The following PLA2G4A variants were observed in gnomAD, a reference collection of about 807,000 sequenced individuals.
PLA2G4A encodes cytosolic phospholipase A2.
PLA2G4A carries 40 observed loss-of-function variants against 81.9 expected under a neutral mutation model. The ratio of observed to expected loss-of-function variants is 0.49; its 90% CI spans 0.38 to 0.64. The LOEUF (loss-of-function observed/expected upper bound fraction) is 0.64. Among genes scored for constraint, PLA2G4A ranks in the 30% least tolerant of loss-of-function variants. The pLI is 0.00. For synonymous variants in PLA2G4A, 302 were observed against 296.9 expected (o/e 1.02, Z -0.18); for missense variants, 715 against 905.1 (o/e 0.79, Z 2.69).
At chr1:186,885,173 C>T (rs781156150) in intron 3 of PLA2G4A, among the ~76,000 whole-genome samples, 12 of 152,176 alleles carry the variant, frequency 7.9e-5, no homozygotes, top group South Asian at 6.2e-4. Flanking sequence ...ACCTTCATCA[C>T]GAGGCACTAG....
chr1:186,858,945 T>A (rs1558370655), intron 2 of PLA2G4A, among the ~76,000 whole-genome samples: 1 of 151,786 alleles, frequency 6.6e-6, no homozygotes, highest in South Asian at 2.1e-4. Context: ...GTGTGTAAAT[T>A]GTTTTAAAAA....
chr1:186,891,298 C>A (rs1654129117), intron 3 of PLA2G4A, among the ~76,000 whole-genome samples: 1 of 152,058 alleles, frequency 6.6e-6, no homozygotes, highest in South Asian at 2.1e-4. Flanking sequence ...TGATTTGTTG[C>A]AAATAATCCA....
In PLA2G4A at chr1:186,988,646, C is replaced by T; in HGVS notation, c.*138C>T. The T allele has an allele frequency of 1.4e-6, 1 of 727,778 alleles. No homozygotes were observed. The highest frequency in any genetic ancestry group is 2.5e-6 in the Non-Finnish European group (1 of 404,358). The allele number at this position is 727,778 out of a possible 1,614,324, so 45.1% of individuals were successfully genotyped here. ...GATACTCAAAGTTGCAGTTACTTAGCTGCATGAGAATAATACTATTATAAG... is the reference window on the plus strand; with the variant it reads ...GATACTCAAAGTTGCAGTTACTTAGTTGCATGAGAATAATACTATTATAAG... On this transcript the variant is annotated 3_prime_UTR_variant, in exon 18 of 18. Transcript: ENST00000367466.
At chr1:186,874,555 A>G (rs916361389) in intron 3 of PLA2G4A, among the ~76,000 whole-genome samples, 4 of 152,096 alleles carry the variant, frequency 2.6e-5, no homozygotes, top group African/African-American at 7.2e-5. Context: ...AATTATGGAT[A>G]TATATACTGA....
At position 186,919,654 on chromosome 1, in the gene PLA2G4A, G is replaced by A. The variant is rs570847811; in HGVS notation, c.558+8265G>A. On this transcript the variant is annotated intron_variant, in intron 7 of 17. Coordinates refer to ENST00000367466, the MANE Select transcript of PLA2G4A (RefSeq NM_024420.3). ...GTGTACTGAGTAGTGACACCTGACT[G>A]CGGATCTTCCCACTGAAAGGCAAAC... Among the ~76,000 whole-genome samples, 7 of 152,332 alleles carry A rather than the reference G, an allele frequency of 4.6e-5. 1 individual carries two copies. In the East Asian group the frequency reaches 1.3e-3, roughly 29 times the overall value.
intron 1 of PLA2G4A, among the ~76,000 whole-genome samples, chr1:186,850,891 TA>T (rs541981572): frequency 6.6e-5 from 10 of 151,942 alleles, no homozygotes; most frequent in Non-Finnish European, 1.0e-4. Context: ...GGCAAATATA[TA>T]AAAAAAACTT....
At chr1:186,955,734 CT>C (rs59494152) in intron 13 of PLA2G4A, among the ~76,000 whole-genome samples, 17 of 108,812 alleles carry the variant, frequency 1.6e-4, no homozygotes, top group Admixed American at 2.4e-4. Flanking sequence ...AAGAAGATCC[CT>C]TTTTTTTTTT....
chr1:186,985,178 A>G (rs935797772), intron 17 of PLA2G4A, among the ~76,000 whole-genome samples: 1 of 152,176 alleles, frequency 6.6e-6, no homozygotes, highest in Admixed American at 6.5e-5. Context: ...ATTCTTCTAC[A>G]GAGAATGCCC....
chr1:186,830,356 C>G (rs1346619488), intron 1 of PLA2G4A, among the ~76,000 whole-genome samples: 1 of 151,854 alleles, frequency 6.6e-6, no homozygotes, highest in Non-Finnish European at 1.5e-5. Flanking sequence ...GCCCGTAATA[C>G]CAGCACTTTG....
Position 186,872,711 on chromosome 1 carries a change from A to G in PLA2G4A, c.115+2195A>G, listed in dbSNP as rs556139338. 5.3e-5 allele frequency among the ~76,000 whole-genome samples: 8 copies of G among 152,212 alleles called. No individual in the cohort carries two copies. The South Asian group carries it at 1.7e-3, about 32-fold the overall frequency. On this transcript the variant is annotated intron_variant, in intron 3 of 17. Coordinates refer to ENST00000367466, the MANE Select transcript of PLA2G4A (RefSeq NM_024420.3). Reference sequence around the variant, plus strand: ...GTTATTTATTATAATTAGAATAGGGAAAAAAGTAATGCTGAAAGTTTCATT... The same window carrying G: ...GTTATTTATTATAATTAGAATAGGGGAAAAAGTAATGCTGAAAGTTTCATT...
At chr1:186,951,753 T>G (rs1211500196) in intron 13 of PLA2G4A, among the ~76,000 whole-genome samples, 1 of 152,150 alleles carries the variant, frequency 6.6e-6, no homozygotes, top group Admixed American at 6.5e-5. Flanking sequence ...CTGGAGAATG[T>G]AGCTGCACAG....
chr1:186,851,361 G>C (rs1652364739), intron 1 of PLA2G4A, among the ~76,000 whole-genome samples: 1 of 150,640 alleles, frequency 6.6e-6, no homozygotes, highest in Admixed American at 6.6e-5. Context: ...TGCATAGAAC[G>C]CTTCATATTA....
intron 5 of PLA2G4A, among the ~76,000 whole-genome samples, chr1:186,905,346 G>A (rs1654696902): frequency 6.6e-6 from 1 of 150,858 alleles, no homozygotes; most frequent in African/African-American, 2.5e-5. Flanking sequence ...TTACACTCTG[G>A]TGATAAAAAC....
intron 2 of PLA2G4A, among the ~76,000 whole-genome samples, chr1:186,865,731 G>T (rs1653003421): frequency 1.3e-5 from 2 of 152,048 alleles, no homozygotes; most frequent in Admixed American, 6.6e-5. Flanking sequence ...TATAACAGTA[G>T]AGTTTTAAAC....
At chr1:186,873,223 C>T (rs1215807718) in intron 3 of PLA2G4A, among the ~76,000 whole-genome samples, 1 of 152,024 alleles carries the variant, frequency 6.6e-6, no homozygotes, top group Non-Finnish European at 1.5e-5. Flanking sequence ...AGAAAAGGCA[C>T]AGGTATTAGC....
At chr1:186,859,149 C>A (rs922355654) in intron 2 of PLA2G4A, among the ~76,000 whole-genome samples, 1 of 152,092 alleles carries the variant, frequency 6.6e-6, no homozygotes, top group African/African-American at 2.4e-5. Context: ...AGACTGGGCT[C>A]ATTTTCACCA....
intron 17 of PLA2G4A, among the ~76,000 whole-genome samples, chr1:186,983,095 A>AAAAAG (rs1175158075): frequency 0.017 from 2,561 of 149,050 alleles, 91 homozygotes; most frequent in African/African-American, 0.059. Context: ...AAAAAAAAAA[A>AAAAAG]AAAAGAAAAG....
At chr1:186,868,531 A>C (rs1035689781) in intron 2 of PLA2G4A, among the ~76,000 whole-genome samples, 1 of 152,214 alleles carries the variant, frequency 6.6e-6, no homozygotes, top group Non-Finnish European at 1.5e-5. Context: ...GGTGGCCTCC[A>C]AGAAAGATTT....
chr1:186,921,334 G>T (rs561187088), intron 7 of PLA2G4A, among the ~76,000 whole-genome samples: 1 of 152,314 alleles, frequency 6.6e-6, no homozygotes, highest in East Asian at 1.9e-4. Context: ...GTGGCAATCA[G>T]CACAAGTAGG....
Sources: gnomAD v4.1 joint callset for allele counts (sites outside exome capture counted in the v4.1 genomes callset) on GRCh38, gnomAD v4.1.1 for gene constraint, MANE v1.5 for transcripts, NCBI Gene and HGNC (gene_info 2026-07-23, HGNC 2026-07-21) for gene names.